CDC14A: variants seen among roughly 807,000 people sequenced by gnomAD.
The protein encoded by CDC14A is dual specificity protein phosphatase CDC14A.
A neutral mutation model predicts 74.4 loss-of-function variants in CDC14A; 53 were observed. That is an observed-to-expected ratio of 0.71 (90% CI 0.57 to 0.89). The LOEUF is 0.89. CDC14A is among the 40% of genes least tolerant of loss of function. The pLI, the probability that CDC14A is intolerant of heterozygous loss-of-function variation, is 0.00. For synonymous variants in CDC14A, 247 were observed against 258.4 expected, an observed-to-expected ratio of 0.96 and a Z score of 0.43; for missense variants, 646 against 713.7, an observed-to-expected ratio of 0.91 and a Z score of 1.08.
chr1:100,392,447 G>T (rs1043480086), intron 4 of CDC14A, among the ~76,000 whole-genome samples: 4 of 150,720 alleles, frequency 2.7e-5, no homozygotes, highest in Non-Finnish European at 5.9e-5. Flanking sequence ...GCCACTCTTC[G>T]CACGTCTTTC....
chr1:100,491,522 C>A (rs1670619227), intron 11 of CDC14A, among the ~76,000 whole-genome samples: 1 of 22,548 alleles, frequency 4.4e-5, no homozygotes, highest in Non-Finnish European at 9.6e-5. Context: ...ATCTGCATCT[C>A]TCTCTCTCTC....
At chr1:100,385,701 G>A (rs753128633) in intron 3 of CDC14A, among the ~76,000 whole-genome samples, 5 of 152,118 alleles carry the variant, frequency 3.3e-5, no homozygotes, top group Non-Finnish European at 7.4e-5. Flanking sequence ...AACACAGTGT[G>A]CTCATTATAT....
At chr1:100,447,968 G>A (rs572470250) in intron 7 of CDC14A, among the ~76,000 whole-genome samples, 1 of 152,304 alleles carries the variant, frequency 6.6e-6, no homozygotes, top group South Asian at 2.1e-4. Flanking sequence ...TTGTCCCCAA[G>A]GGCTTTCCGC....
intron 4 of CDC14A, among the ~76,000 whole-genome samples, chr1:100,407,769 G>A (rs1660147113): frequency 1.3e-5 from 2 of 152,032 alleles, no homozygotes; most frequent in East Asian, 3.9e-4. Context: ...ACTCGTATTT[G>A]TATCTCCAGT....
At chr1:100,379,021 G>A (rs1655721473) in intron 3 of CDC14A, among the ~76,000 whole-genome samples, 1 of 152,102 alleles carries the variant, frequency 6.6e-6, no homozygotes, top group South Asian at 2.1e-4. Context: ...TTCTTTTGAA[G>A]ACCAAGGAAT....
chr1:100,390,926 T>C, intron 4 of CDC14A, 102 bp downstream of exon 4: 1 of 785,904 alleles, frequency 1.3e-6, no homozygotes, highest in Non-Finnish European at 2.2e-6. Flanking sequence ...TGAGAGACGG[T>C]GGAGATTATT....
At chr1:100,391,528 C>G (rs1657694708) in intron 4 of CDC14A, among the ~76,000 whole-genome samples, 1 of 152,158 alleles carries the variant, frequency 6.6e-6, no homozygotes, top group African/African-American at 2.4e-5. Flanking sequence ...AACATACTTG[C>G]AGGGATATGT....
intron 5 of CDC14A, among the ~76,000 whole-genome samples, chr1:100,436,072 T>C (rs1664302739): frequency 6.6e-6 from 1 of 152,036 alleles, no homozygotes; most frequent in Admixed American, 6.6e-5. Flanking sequence ...GGAGGGGACT[T>C]TTGGGTTCAG....
intron 15 of CDC14A, among the ~76,000 whole-genome samples, chr1:100,511,339 C>G: frequency 6.6e-6 from 1 of 152,168 alleles, no homozygotes; most frequent in East Asian, 1.9e-4. Flanking sequence ...TACTCCTCCG[C>G]TCTACAGCTG....
intron 11 of CDC14A, among the ~76,000 whole-genome samples, chr1:100,486,779 T>G (rs1442651504): frequency 6.6e-6 from 1 of 152,224 alleles, no homozygotes. Flanking sequence ...AATTCAGAGA[T>G]GCCAGAGAAT....
In CDC14A at chr1:100,419,865, A is replaced by G. The variant is rs112077473; in HGVS notation, c.310-4357A>G. Reference sequence around the variant, plus strand: ...AGCATTTGTTTCCTCTTTTTCACACAAGTAAAATATTAAACAAATAAAATT... The same window carrying G: ...AGCATTTGTTTCCTCTTTTTCACACGAGTAAAATATTAAACAAATAAAATT... On this transcript the variant is annotated intron_variant, in intron 4 of 15. Transcript: ENST00000336454. 1.3e-3 allele frequency among the ~76,000 whole-genome samples: 194 copies of G among 151,588 alleles called. 1 individual carries two copies. Among genetic ancestry groups the G allele is most frequent in the African/African-American group, 3.9e-3 (163 of 41,438 alleles).
At chr1:100,362,315 T>C (rs924285672) in intron 2 of CDC14A, among the ~76,000 whole-genome samples, 3 of 152,224 alleles carry the variant, frequency 2.0e-5, no homozygotes, top group African/African-American at 7.2e-5. Context: ...AGAAATATTT[T>C]TTTTAATTTT....
intron 1 of CDC14A, 148 bp downstream of exon 1, chr1:100,353,151 C>T (rs1489059621): frequency 2.5e-6 from 2 of 812,452 alleles, no homozygotes; most frequent in East Asian, 2.7e-5. Flanking sequence ...CTCCTTTCTC[C>T]GAGGACCCCC....
chr1:100,396,639 C>A (rs181448172), intron 4 of CDC14A, among the ~76,000 whole-genome samples: 74 of 152,248 alleles, frequency 4.9e-4, no homozygotes, highest in African/African-American at 1.7e-3. Flanking sequence ...CACTACCTAG[C>A]CTTTTTTTAA....
chr1:100,447,293 T>C (rs1029895794), intron 7 of CDC14A, among the ~76,000 whole-genome samples: 1 of 152,250 alleles, frequency 6.6e-6, no homozygotes, highest in Admixed American at 6.5e-5. Context: ...TATTAAGTAT[T>C]GATAAACAAC....
intron 4 of CDC14A, 138 bp downstream of exon 4, chr1:100,390,962 G>A (rs1251820458): frequency 1.4e-6 from 1 of 703,984 alleles, no homozygotes; most frequent in Admixed American, 2.0e-5. Context: ...GATCTGTAGT[G>A]AGAAATATGG....
At chr1:100,408,887 A>G (rs1660301518) in intron 4 of CDC14A, among the ~76,000 whole-genome samples, 1 of 152,178 alleles carries the variant, frequency 6.6e-6, no homozygotes, top group Non-Finnish European at 1.5e-5. Flanking sequence ...ATTTGAAACC[A>G]TATATTACTG....
intron 11 of CDC14A, among the ~76,000 whole-genome samples, chr1:100,486,936 T>C (rs900073196): frequency 2.6e-5 from 4 of 152,204 alleles, no homozygotes; most frequent in Non-Finnish European, 5.9e-5. Context: ...CACATGAATA[T>C]GGAAAATTCG....
chr1:100,519,125 T>C lies in CDC14A; in HGVS notation c.*845T>C, dbSNP rs1557845804. 1.3e-5 allele frequency: 2 copies of C among 152,132 alleles called. No homozygotes were observed. The highest frequency in any genetic ancestry group is 6.6e-5 in the Admixed American group (1 of 15,264). 9.4% of individuals were successfully genotyped at this position (152,132 alleles called of 1,614,324 possible). On this transcript the variant is annotated 3_prime_UTR_variant, in exon 16 of 16. Coordinates refer to ENST00000336454, the MANE Select transcript of CDC14A (RefSeq NM_003672.4). ...ACTCAATATTCCAAATGTTTTTTTT[T>C]CCTTCCTCCTTTCAAAAGAGTTCTT...
Sources: gnomAD v4.1 joint callset for allele counts (sites outside exome capture counted in the v4.1 genomes callset) on GRCh38, gnomAD v4.1.1 for gene constraint, MANE v1.5 for transcripts, NCBI Gene and HGNC (gene_info 2026-07-23, HGNC 2026-07-21) for gene names.